B4GALT5: variants seen among roughly 807,000 people sequenced by gnomAD.
B4GALT5 encodes UDP-Gal:beta-GlcNAc beta-1,4-galactosyltransferase 5.
B4GALT5 carries 11 observed loss-of-function variants against 45.0 expected under a neutral mutation model. The observed-to-expected ratio is 0.24, with a 90% CI of 0.15 to 0.40. The LOEUF (loss-of-function observed/expected upper bound fraction) is 0.40, where lower values mean the gene tolerates loss of function less well. B4GALT5 is among the 10% of genes least tolerant of loss of function. The pLI is 1.00. For synonymous variants in B4GALT5, 185 were observed against 182.9 expected (o/e 1.01, Z -0.09); for missense variants, 337 against 500.2 (o/e 0.67, Z 3.11).
chr20:49,703,017 C>CA (rs1430147195), intron 1 of B4GALT5, among the ~76,000 whole-genome samples: 1 of 151,026 alleles, frequency 6.6e-6, no homozygotes, highest in Non-Finnish European at 1.5e-5. Flanking sequence ...ACTAAAAATA[C>CA]AAAAAAATTA....
At chr20:49,670,081 G>A (rs2085709451) in intron 1 of B4GALT5, among the ~76,000 whole-genome samples, 2 of 152,204 alleles carry the variant, frequency 1.3e-5, no homozygotes, top group Non-Finnish European at 2.9e-5. Context: ...TGCCTGTGGA[G>A]TAGCCAGTTT....
intron 1 of B4GALT5, among the ~76,000 whole-genome samples, chr20:49,670,013 A>C (rs1422857993): frequency 6.6e-6 from 1 of 152,202 alleles, no homozygotes; most frequent in Non-Finnish European, 1.5e-5. Context: ...ATTATTTCTA[A>C]AAGCAAAATC....
intron 1 of B4GALT5, among the ~76,000 whole-genome samples, chr20:49,676,403 G>A (rs2085737691): frequency 6.6e-6 from 1 of 152,142 alleles, no homozygotes; most frequent in Admixed American, 6.5e-5. Context: ...GCTCACAGCA[G>A]GACACTAATA....
At chr20:49,709,450 A>G (rs575518926) in intron 1 of B4GALT5, among the ~76,000 whole-genome samples, 14 of 152,104 alleles carry the variant, frequency 9.2e-5, no homozygotes, top group Non-Finnish European at 1.5e-4. Flanking sequence ...TGCTGATATA[A>G]AACACTACTT....
At chr20:49,697,376 T>A (rs2085843723) in intron 1 of B4GALT5, among the ~76,000 whole-genome samples, 1 of 152,238 alleles carries the variant, frequency 6.6e-6, no homozygotes, top group Non-Finnish European at 1.5e-5. Flanking sequence ...TGGCTGTACA[T>A]TCTGAGGGTT....
intron 1 of B4GALT5, among the ~76,000 whole-genome samples, chr20:49,687,353 A>T (rs2085790563): frequency 6.6e-6 from 1 of 152,216 alleles, no homozygotes; most frequent in East Asian, 1.9e-4. Context: ...CATTTATTGG[A>T]TTAATAAACA....
chr20:49,666,220 G>A (rs2085689955), intron 1 of B4GALT5, among the ~76,000 whole-genome samples: 1 of 152,180 alleles, frequency 6.6e-6, no homozygotes, highest in Non-Finnish European at 1.5e-5. Context: ...AAAGTTGGGA[G>A]CCTGAATCTT....
rs752507574 is a variant in B4GALT5, at chr20:49,656,606, C to G, written c.212G>C (p.Ser71Thr). Residue 71 changes from serine to threonine, a missense_variant, in exon 2 of 9, where the codon AGT becomes ACT. Physicochemically the swap from Ser to Thr is moderately conservative, Grantham distance 58 (BLOSUM62 1). Transcript: ENST00000371711. ...GAQVYEQVLR[S>T]AYAKRNSSVN... is the part of the protein sequence containing the mutation. Reference sequence around the variant, plus strand: ...ACTGCTGTTCCTCTTGGCATAAGCACTCCGAAGCACCTGCTCATAAACCTG... The same window carrying G: ...ACTGCTGTTCCTCTTGGCATAAGCAGTCCGAAGCACCTGCTCATAAACCTG... 6.2e-7 allele frequency: 1 copy of G among 1,614,188 alleles called. No homozygotes were observed. The highest frequency in any genetic ancestry group is 1.1e-5 in the South Asian group (1 of 91,088).
At chr20:49,676,521 C>T (rs2085738172) in intron 1 of B4GALT5, among the ~76,000 whole-genome samples, 1 of 152,146 alleles carries the variant, frequency 6.6e-6, no homozygotes. Flanking sequence ...CTGTGCTAAC[C>T]CCATTAAAAA....
In B4GALT5 at chr20:49,647,070, G is replaced by C. The variant is rs761109517; in HGVS notation, c.259C>G (p.Leu87Val). 1 of 1,612,172 alleles carries C rather than the reference G, an allele frequency of 6.2e-7. No individual in the cohort carries two copies. The highest frequency in any genetic ancestry group is 1.3e-5 in the African/African-American group (1 of 74,896). Residue 87 changes from leucine (L) to valine (V), a missense_variant, in exon 3 of 9, where the codon CTT (leucine) becomes GTT (valine). Physicochemically the swap from Leu to Val is conservative, Grantham distance 32. Transcript: ENST00000371711. ...NSSVNDSDYP[L>V]DLNHSETFLQ... ...AAGGTTTCACTGTGGTTCAAGTCAA[G>C]AGGATAATCTAGGGAGGTAAAGGAA...
At chr20:49,671,492 T>C (rs1284772004) in intron 1 of B4GALT5, among the ~76,000 whole-genome samples, 2 of 152,210 alleles carry the variant, frequency 1.3e-5, no homozygotes, top group African/African-American at 2.4e-5. Context: ...ATTGTATATA[T>C]ACTACATACA....
At chr20:49,684,861 T>C (rs2085779071) in intron 1 of B4GALT5, among the ~76,000 whole-genome samples, 1 of 152,156 alleles carries the variant, frequency 6.6e-6, no homozygotes, top group African/African-American at 2.4e-5. Context: ...CTTCTTACAG[T>C]CTTAGGAGAG....
intron 2 of B4GALT5, among the ~76,000 whole-genome samples, chr20:49,649,097 G>A (rs765616551): frequency 2.6e-5 from 4 of 152,068 alleles, no homozygotes; most frequent in Admixed American, 6.6e-5. Context: ...ATATGCACAC[G>A]GCTGCCTACT....
chr20:49,692,812 TTA>T (rs2085820700), intron 1 of B4GALT5, among the ~76,000 whole-genome samples: 1 of 152,116 alleles, frequency 6.6e-6, no homozygotes, highest in South Asian at 2.1e-4. Context: ...TTTTGAAAAA[TTA>T]CACACACCAA....
chr20:49,697,175 AAC>A (rs1434304743), intron 1 of B4GALT5, among the ~76,000 whole-genome samples: 1 of 152,222 alleles, frequency 6.6e-6, no homozygotes, highest in Non-Finnish European at 1.5e-5. Flanking sequence ...AGAAATTAAC[AAC>A]AGAGTCTCAG....
chr20:49,646,820 G>C, intron 3 of B4GALT5, 145 bp downstream of exon 3: 2 of 523,650 alleles, frequency 3.8e-6, no homozygotes, highest in Non-Finnish European at 6.7e-6. Context: ...CTTTGAAGAG[G>C]AGCCAGGAGC....
chr20:49,706,735 C>T (rs896114201), intron 1 of B4GALT5, among the ~76,000 whole-genome samples: 2 of 152,294 alleles, frequency 1.3e-5, no homozygotes, highest in South Asian at 4.1e-4. Context: ...TGCTTGCTTA[C>T]GATTATCTGT....
chr20:49,642,436 G>A, intron 5 of B4GALT5, 32 bp downstream of exon 5: 1 of 1,516,764 alleles, frequency 6.6e-7, no homozygotes. Context: ...TCTCAGAAGA[G>A]AAAAAAGAAA....
At chr20:49,670,827 G>A (rs1247523941) in intron 1 of B4GALT5, among the ~76,000 whole-genome samples, 1 of 152,156 alleles carries the variant, frequency 6.6e-6, no homozygotes, top group African/African-American at 2.4e-5. Flanking sequence ...AGAGAGGTTG[G>A]CAATACAGAT....
Sources: gnomAD v4.1 joint callset for allele counts (sites outside exome capture counted in the v4.1 genomes callset) on GRCh38, gnomAD v4.1.1 for gene constraint, MANE v1.5 for transcripts, NCBI Gene and HGNC (gene_info 2026-07-23, HGNC 2026-07-21) for gene names.